Variants in SLC26A9 observed in about 807,000 individuals in gnomAD.
SLC26A9 encodes solute carrier family 26 member 9.
A neutral mutation model predicts 87.1 loss-of-function variants in SLC26A9; 46 were observed. The ratio of observed to expected loss-of-function variants is 0.53; its 90% CI spans 0.42 to 0.67. SLC26A9 has a LOEUF of 0.67. Among genes scored for constraint, SLC26A9 ranks in the 30% least tolerant of loss-of-function variants. The pLI is 0.00. For missense variants in SLC26A9, 927 were observed against 1,018.3 expected, an observed-to-expected ratio of 0.91 and a Z score of 1.22; for synonymous variants, 437 against 409.1, an observed-to-expected ratio of 1.07 and a Z score of -0.82.
intron 1 of SLC26A9, among the ~76,000 whole-genome samples, chr1:205,940,389 C>A (rs1423371638): frequency 3.3e-5 from 5 of 151,922 alleles, no homozygotes; most frequent in African/African-American, 1.2e-4. Context: ...TCAACACCAT[C>A]CAAATATTGT....
chr1:205,927,771 A>G, intron 9 of SLC26A9, 131 bp downstream of exon 9: 1 of 1,479,030 alleles, frequency 6.8e-7, no homozygotes, highest in Non-Finnish European at 9.2e-7. Context: ...TTAGGGTCAG[A>G]GGACCCCCTA....
intron 14 of SLC26A9, 52 bp from the exon 15 acceptor site, chr1:205,923,479 A>T: frequency 6.2e-7 from 1 of 1,613,998 alleles, no homozygotes; most frequent in Non-Finnish European, 8.5e-7. Flanking sequence ...ATTGGCTTTA[A>T]AAAGCAACCT....
At chr1:205,923,219 A>G (rs375290258) in intron 15 of SLC26A9, 24 bp from the exon 16 acceptor site, 2 of 1,612,956 alleles carry the variant, frequency 1.2e-6, no homozygotes, top group African/African-American at 2.7e-5. Flanking sequence ...GCCAACAGCA[A>G]TCTTGACCTC....
In SLC26A9 at chr1:205,915,137, T is replaced by C; in HGVS notation, c.*220A>G. ...CGGGTGAAGAGTGGGCTCACCAGACTCTCACTCCTGTAAGGGTAGCACCCC... is the reference window on the plus strand; with the variant it reads ...CGGGTGAAGAGTGGGCTCACCAGACCCTCACTCCTGTAAGGGTAGCACCCC... On this transcript the variant is annotated 3_prime_UTR_variant, in exon 21 of 21. Coordinates refer to ENST00000367135, the MANE Select transcript of SLC26A9 (RefSeq NM_052934.4). 6.2e-7 allele frequency: 1 copy of C among 1,613,496 alleles called. No homozygotes were observed. The highest frequency in any genetic ancestry group is 2.2e-5 in the East Asian group (1 of 44,866).
At chr1:205,924,328 C>A in intron 13 of SLC26A9, 55 bp downstream of exon 13, 2 of 1,536,002 alleles carry the variant, frequency 1.3e-6, no homozygotes, top group Non-Finnish European at 1.8e-6. Context: ...AAGCCCTTTG[C>A]GGGCTGGCCC....
At chr1:205,926,501 C>T in intron 12 of SLC26A9, 34 bp downstream of exon 12, 1 of 1,564,438 alleles carries the variant, frequency 6.4e-7, no homozygotes, top group Non-Finnish European at 8.8e-7. Context: ...AGGGCAGGGG[C>T]ATGGCCAGTA....
intron 20 of SLC26A9, among the ~76,000 whole-genome samples, chr1:205,915,846 G>A (rs896540897): frequency 6.6e-6 from 1 of 152,114 alleles, no homozygotes; most frequent in African/African-American, 2.4e-5. Context: ...AAATCTCTGT[G>A]GCTCCAGCTC....
chr1:205,938,266 GCTTC>G lies in SLC26A9; in HGVS notation c.-18-2432_-18-2429del, dbSNP rs1238908742. 7.5e-5 allele frequency among the ~76,000 whole-genome samples: 11 copies of G among 147,506 alleles called. No homozygotes were observed. In the South Asian group the frequency reaches 1.7e-3, roughly 23 times the overall value. On this transcript the variant is annotated intron_variant, in intron 1 of 20. Transcript: ENST00000367135. ...TATTTCCTTCCTTCCTTCCTCCCTC[GCTTC>G]CTTCCTTCCTTCCTTCATGTCCTTC...
intron 15 of SLC26A9, 45 bp downstream of exon 15, chr1:205,923,290 C>A: frequency 2.5e-6 from 4 of 1,612,312 alleles, no homozygotes; most frequent in Non-Finnish European, 3.4e-6. Context: ...CATTTTCCGG[C>A]CACTCTCTGT....
In SLC26A9 at chr1:205,923,107, C is replaced by G. The variant is rs533106563; in HGVS notation, c.1748G>C (p.Arg583Thr). ...CTTGGTTTTCATGAATAGAGACCTC[C>G]TCTGTTGTGTGGGCCTCATTCTCCG... ...EKRRMRPTQQ[R>T]RSLFMKTKTV... The change falls in exon 16 of 21, where the codon AGG becomes ACG. Residue 583 changes from arginine (R) to threonine (T), a missense_variant. By Grantham distance (71) the Arg-to-Thr change is moderately conservative. Coordinates refer to ENST00000367135, the MANE Select transcript of SLC26A9 (RefSeq NM_052934.4). 3.7e-6 allele frequency: 6 copies of G among 1,614,084 alleles called. No homozygotes were observed. The African/African-American group carries it at 6.7e-5, about 18-fold the overall frequency.
chr1:205,924,280 G>T (rs924677953), intron 13 of SLC26A9, 103 bp downstream of exon 13: 14 of 1,079,946 alleles, frequency 1.3e-5, no homozygotes, highest in Non-Finnish European at 1.8e-5. Context: ...AGGCCCAGAG[G>T]TGGAAGGTAC....
intron 7 of SLC26A9, 47 bp from the exon 8 acceptor site, chr1:205,928,956 C>T: frequency 6.2e-7 from 1 of 1,605,672 alleles, no homozygotes; most frequent in Non-Finnish European, 8.5e-7. Flanking sequence ...AAGGTGGGGC[C>T]AGGGCAGGCG....
At chr1:205,920,341 C>T in intron 17 of SLC26A9, 111 bp from the exon 18 acceptor site, 1 of 1,291,854 alleles carries the variant, frequency 7.7e-7, no homozygotes, top group Non-Finnish European at 1.1e-6. Context: ...ATAAGCAACC[C>T]TGAGAGCCCA....
At chr1:205,927,384 C>A (rs536207644) in intron 10 of SLC26A9, 96 bp from the exon 11 acceptor site, 1 of 1,559,546 alleles carries the variant, frequency 6.4e-7, no homozygotes, top group Non-Finnish European at 8.8e-7. Context: ...GAGACTAAGA[C>A]GGGAAGAAGG....
intron 2 of SLC26A9, 62 bp downstream of exon 2, chr1:205,935,634 G>A: frequency 1.2e-6 from 2 of 1,605,740 alleles, no homozygotes; most frequent in Non-Finnish European, 1.7e-6. Context: ...GCCGTGTCCT[G>A]GTGCAGAAAG....
intron 7 of SLC26A9, 144 bp from the exon 8 acceptor site, chr1:205,929,053 A>G: frequency 6.9e-7 from 1 of 1,447,958 alleles, no homozygotes; most frequent in Non-Finnish European, 9.5e-7. Flanking sequence ...GTAGAAAGAG[A>G]GGAAACGCCA....
chr1:205,920,575 G>A (rs6697817), intron 17 of SLC26A9, among the ~76,000 whole-genome samples: 135,584 of 152,198 alleles, frequency 0.89, 60,411 homozygotes, highest in Admixed American at 0.92. Flanking sequence ...ATCTTGGCTC[G>A]CTGCAACCTC....
Position 205,926,555 on chromosome 1 carries a change from T to A in SLC26A9, c.1369A>T (p.Arg457Trp). ...CTTACACAGTCCAGCTTGCTCTTCC[T>A]CCACAGGTAGTAGGGGTCGGTGAGT... Reference protein sequence around the residue: ...KQLTDPYYLWRKSKLDCCIWV... With the variant: ...KQLTDPYYLWWKSKLDCCIWV... Residue 457 changes from arginine (R) to tryptophan (W), a missense_variant, in exon 12 of 21, where the codon AGG (arginine) becomes TGG (tryptophan). By Grantham distance (101) the Arg-to-Trp change is moderately radical. Coordinates refer to ENST00000367135, the MANE Select transcript of SLC26A9 (RefSeq NM_052934.4). 6.2e-7 allele frequency: 1 copy of A among 1,614,174 alleles called. No homozygotes were observed. Among genetic ancestry groups the A allele is most frequent in the South Asian group, 1.1e-5 (1 of 91,082 alleles).
chr1:205,941,578 A>G (rs965379320), intron 1 of SLC26A9, among the ~76,000 whole-genome samples: 20 of 152,054 alleles, frequency 1.3e-4, no homozygotes, highest in Middle Eastern at 3.4e-3. Context: ...AGTGTAGGGG[A>G]GGATGAGATG....
Sources: gnomAD v4.1 joint callset for allele counts (sites outside exome capture counted in the v4.1 genomes callset) on GRCh38, gnomAD v4.1.1 for gene constraint, MANE v1.5 for transcripts, NCBI Gene and HGNC (gene_info 2026-07-23, HGNC 2026-07-21) for gene names.